VSIR: variants seen among roughly 807,000 people sequenced by gnomAD.
VSIR encodes V-type immunoglobulin domain-containing suppressor of T-cell activation.
VSIR carries 10 observed loss-of-function variants against 31.0 expected under a neutral mutation model. The observed-to-expected ratio is 0.32, with a 90% CI of 0.20 to 0.55. The LOEUF is 0.55. Among genes scored for constraint, VSIR ranks in the 20% least tolerant of loss-of-function variants. The pLI is 0.93. For missense variants in VSIR, 356 were observed against 416.2 expected (o/e 0.86, Z 1.26); for synonymous variants, 179 against 180.1 (o/e 0.99, Z 0.05).
At chr10:71,755,298 C>G in intron 4 of VSIR, 61 bp downstream of exon 4, 2 of 1,454,824 alleles carry the variant, frequency 1.4e-6, no homozygotes, top group South Asian at 1.2e-5. Flanking sequence ...AGGGGCTGAA[C>G]TGGGGGCTGG....
Position 71,755,270 on chromosome 10 carries a change from C to G in VSIR, c.676+89G>C. Reference sequence around the variant, plus strand: ...AAATGAAAAGGAATTGTGCCTGCATCGTGCCTTTGCGAATCCCAGGGGCTG... The same window carrying G: ...AAATGAAAAGGAATTGTGCCTGCATGGTGCCTTTGCGAATCCCAGGGGCTG... On this transcript the variant is annotated intron_variant, in intron 4 of 6. Transcript: ENST00000394957. 5 of 1,149,776 alleles carry G rather than the reference C, an allele frequency of 4.3e-6. 1 individual carries two copies. In the South Asian group the frequency reaches 6.9e-5, roughly 16 times the overall value. The allele number at this position is 1,149,776 out of a possible 1,614,324, so 71.2% of individuals were successfully genotyped here.
chr10:71,754,020 C>T (rs76670590), intron 4 of VSIR, among the ~76,000 whole-genome samples: 10,318 of 152,292 alleles, frequency 0.068, 393 homozygotes, highest in South Asian at 0.091. Flanking sequence ...CTGTTGGCCT[C>T]TCCAGCAAAC....
At chr10:71,752,201 G>A (rs952312985) in intron 5 of VSIR, 19 of 436,654 alleles carry the variant, frequency 4.4e-5, no homozygotes, top group South Asian at 3.3e-4. Context: ...GTTTCTCTTT[G>A]GTCAATAGAG....
chr10:71,756,034 TG>T (rs977459564), intron 3 of VSIR, among the ~76,000 whole-genome samples: 1 of 152,202 alleles, frequency 6.6e-6, no homozygotes, highest in African/African-American at 2.4e-5. Flanking sequence ...AGCTCTGGGA[TG>T]GGGCCTCTAG....
At chr10:71,772,506 C>T (rs901641968) in intron 1 of VSIR, among the ~76,000 whole-genome samples, 1 of 152,258 alleles carries the variant, frequency 6.6e-6, no homozygotes, top group Non-Finnish European at 1.5e-5. Flanking sequence ...GCCTCTGCCC[C>T]CAGCCCGGGA....
intron 1 of VSIR, 99 bp downstream of exon 1, chr10:71,773,259 G>C: frequency 7.4e-7 from 1 of 1,358,276 alleles, no homozygotes; most frequent in South Asian, 1.3e-5. Flanking sequence ...GGTCACACAG[G>C]CTGAGAGGGC....
chr10:71,756,153 C>CA (rs1840141302), intron 3 of VSIR, among the ~76,000 whole-genome samples: 2 of 151,842 alleles, frequency 1.3e-5, no homozygotes, highest in African/African-American at 4.8e-5. Flanking sequence ...ATTAAACTAC[C>CA]AAAAAAAGTA....
chr10:71,769,028 C>T (rs1465943617), intron 1 of VSIR, among the ~76,000 whole-genome samples: 1 of 152,214 alleles, frequency 6.6e-6, no homozygotes, highest in Non-Finnish European at 1.5e-5. Context: ...GGAGGCCCCA[C>T]CTCCTTCTTG....
At chr10:71,768,319 C>T (rs1344617078) in intron 1 of VSIR, among the ~76,000 whole-genome samples, 6 of 152,030 alleles carry the variant, frequency 3.9e-5, no homozygotes, top group East Asian at 1.9e-4. Context: ...TACAGGCACC[C>T]GCCACCACGC....
chr10:71,773,496 C>T lies in VSIR; in HGVS notation c.-57G>A, dbSNP rs568597909. 1.9e-5 allele frequency: 29 copies of T among 1,519,524 alleles called. No homozygotes were observed. In the East Asian group the frequency reaches 4.6e-4, roughly 24 times the overall value. 94.1% of individuals were successfully genotyped at this position (1,519,524 alleles called of 1,614,324 possible). ...TGCCGGGGAGCGGGCGGGACGCGGC[C>T]GGCGCGGGGAAGCCTCCCGCGACTG... On this transcript the variant is annotated 5_prime_UTR_variant, in exon 1 of 7. Transcript: ENST00000394957.
chr10:71,759,996 C>T (rs113222389), intron 3 of VSIR, among the ~76,000 whole-genome samples: 3 of 38,886 alleles, frequency 7.7e-5, no homozygotes, highest in Admixed American at 2.8e-4. Context: ...TATACACACA[C>T]ACATACATAT....
chr10:71,755,332 C>G, intron 4 of VSIR, 27 bp downstream of exon 4: 1 of 1,594,660 alleles, frequency 6.3e-7, no homozygotes, highest in Non-Finnish European at 8.6e-7. Context: ...CACCGTCCAC[C>G]CACCCCAGGC....
chr10:71,770,439 C>CGGA (rs1840660298), intron 1 of VSIR, among the ~76,000 whole-genome samples: 1 of 113,008 alleles, frequency 8.8e-6, no homozygotes, highest in South Asian at 3.0e-4. Flanking sequence ...AGGGGCTGTA[C>CGGA]GGAAGCCCTG....
intron 4 of VSIR, among the ~76,000 whole-genome samples, chr10:71,754,119 C>T (rs1307612950): frequency 6.6e-6 from 1 of 152,200 alleles, no homozygotes; most frequent in Non-Finnish European, 1.5e-5. Flanking sequence ...CAGCCTTCCA[C>T]CAGGGAGGGC....
At position 71,751,602 on chromosome 10, in the gene VSIR, T is replaced by C; in HGVS notation, c.898+66A>G. On this transcript the variant is annotated intron_variant, in intron 6 of 6. Transcript: ENST00000394957. The surrounding 1 kb of genome is among the most constrained non-coding windows in gnomAD (Gnocchi z 4.9). ...CAGGGAGGGCAGGGAGTGAGGCCGATGCCCTGCAGGCCATGAGGTCATGAC... is the reference window on the plus strand; with the variant it reads ...CAGGGAGGGCAGGGAGTGAGGCCGACGCCCTGCAGGCCATGAGGTCATGAC... 4 of 1,481,678 alleles carry C rather than the reference T, an allele frequency of 2.7e-6. No homozygotes were observed. Among genetic ancestry groups the C allele is most frequent in the Non-Finnish European group, 3.6e-6 (4 of 1,108,554 alleles). The allele number at this position is 1,481,678 out of a possible 1,614,324, so 91.8% of individuals were successfully genotyped here.
intron 1 of VSIR, among the ~76,000 whole-genome samples, chr10:71,764,436 G>A (rs1050744688): frequency 1.6e-4 from 25 of 152,194 alleles, no homozygotes; most frequent in Non-Finnish European, 4.4e-5. Context: ...GGAGCCCACA[G>A]GCCACATCCA....
chr10:71,759,020 C>A (rs1308996037), intron 3 of VSIR, among the ~76,000 whole-genome samples: 1 of 151,904 alleles, frequency 6.6e-6, no homozygotes, highest in Non-Finnish European at 1.5e-5. Context: ...CAGATGCCTG[C>A]CACCATGCCA....
At chr10:71,755,284 T>A (rs1840103918) in intron 4 of VSIR, 75 bp downstream of exon 4, 3 of 1,347,568 alleles carry the variant, frequency 2.2e-6, no homozygotes, top group East Asian at 2.5e-5. Flanking sequence ...CCTTTGCGAA[T>A]CCCAGGGGCT....
chr10:71,773,317 C>T (rs755277988), intron 1 of VSIR, 41 bp downstream of exon 1: 2 of 1,563,950 alleles, frequency 1.3e-6, no homozygotes, highest in Non-Finnish European at 8.7e-7. Flanking sequence ...CTGCTGTCTT[C>T]TCCCAGCTTT....
Sources: gnomAD v4.1 joint callset for allele counts (sites outside exome capture counted in the v4.1 genomes callset) on GRCh38, gnomAD v4.1.1 for gene constraint, Gnocchi (gnomAD v3.1) non-coding constraint, MANE v1.5 for transcripts, NCBI Gene and HGNC (gene_info 2026-07-23, HGNC 2026-07-21) for gene names.